RPRD1A: variants seen among roughly 807,000 people sequenced by gnomAD.
RPRD1A encodes the protein regulation of nuclear pre-mRNA domain-containing protein 1A.
In RPRD1A, 9 loss-of-function variants were observed where a neutral mutation model predicts 37.8. The ratio of observed to expected loss-of-function variants is 0.24; its 90% CI spans 0.14 to 0.42. The LOEUF (loss-of-function observed/expected upper bound fraction) is 0.42, where lower values mean the gene tolerates loss of function less well. Among genes scored for constraint, RPRD1A ranks in the 10% least tolerant of loss-of-function variants. The pLI is 1.00. For missense variants in RPRD1A, 255 were observed against 371.0 expected, an observed-to-expected ratio of 0.69 and a Z score of 2.57; for synonymous variants, 138 against 139.7, an observed-to-expected ratio of 0.99 and a Z score of 0.08.
At chr18:36,015,112 T>C (rs1358551981) in intron 6 of RPRD1A, among the ~76,000 whole-genome samples, 3 of 146,570 alleles carry the variant, frequency 2.0e-5, no homozygotes, top group South Asian at 2.1e-4. Flanking sequence ...CCCCAACAAG[T>C]TGAAAGTAGG....
intron 6 of RPRD1A, among the ~76,000 whole-genome samples, chr18:36,013,060 A>C (rs1910276690): frequency 6.6e-6 from 1 of 152,170 alleles, no homozygotes; most frequent in Non-Finnish European, 1.5e-5. Context: ...TGTGCTGGCA[A>C]AAATAGAGGC....
At chr18:36,001,725 A>AT (rs1487006961) in intron 6 of RPRD1A, among the ~76,000 whole-genome samples, 1 of 152,168 alleles carries the variant, frequency 6.6e-6, no homozygotes, top group Non-Finnish European at 1.5e-5. Flanking sequence ...ACTGAAATAC[A>AT]TTTTTGCTGA....
intron 4 of RPRD1A, chr18:36,028,236 T>C (rs1911517111): frequency 6.6e-6 from 1 of 152,014 alleles, no homozygotes; most frequent in Non-Finnish European, 1.5e-5. Flanking sequence ...ATTTTTAAAC[T>C]ATTCCCTTGA....
intron 6 of RPRD1A, among the ~76,000 whole-genome samples, chr18:36,020,632 A>G (rs868246531): frequency 2.5e-4 from 38 of 152,164 alleles, no homozygotes; most frequent in Non-Finnish European, 8.8e-5. Flanking sequence ...ATAAAAATAA[A>G]TAGTCTGAGC....
intron 6 of RPRD1A, among the ~76,000 whole-genome samples, chr18:36,004,873 A>ATTGAGTG (rs1423280658): frequency 2.0e-5 from 3 of 152,148 alleles, no homozygotes; most frequent in Non-Finnish European, 1.5e-5. Context: ...ACTGCACTTC[A>ATTGAGTG]GCCTGGGCAA....
At chr18:36,063,014 T>C (rs890574492) in intron 1 of RPRD1A, 5 of 152,164 alleles carry the variant, frequency 3.3e-5, no homozygotes, top group Non-Finnish European at 5.9e-5. Flanking sequence ...ATCAGGAAAA[T>C]TGTATGCCAT....
At chr18:36,004,209 T>C (rs1241571824) in intron 6 of RPRD1A, among the ~76,000 whole-genome samples, 1 of 152,038 alleles carries the variant, frequency 6.6e-6, no homozygotes, top group Non-Finnish European at 1.5e-5. Flanking sequence ...TTACCAATGA[T>C]AGCACTCCAC....
In RPRD1A at chr18:36,034,826, T is replaced by G. The variant is rs531589065; in HGVS notation, c.152-989A>C. Among the ~76,000 whole-genome samples, 14 of 152,300 alleles carry G rather than the reference T, an allele frequency of 9.2e-5. No homozygotes were observed. The East Asian group carries it at 2.7e-3, about 29-fold the overall frequency. On this transcript the variant is annotated intron_variant, in intron 1 of 6. Transcript: ENST00000399022. ...GATGTTAAGTATTCAATTTACAAAT[T>G]TAAGCATTTGACATATTAAAAAGTC...
chr18:36,019,478 T>C (rs977589656), intron 6 of RPRD1A, among the ~76,000 whole-genome samples: 1 of 152,116 alleles, frequency 6.6e-6, no homozygotes, highest in African/African-American at 2.4e-5. Flanking sequence ...TGCAATGATG[T>C]AGGGAGATAT....
At chr18:35,999,497 G>A (rs761504256) in intron 6 of RPRD1A, among the ~76,000 whole-genome samples, 1 of 152,128 alleles carries the variant, frequency 6.6e-6, no homozygotes, top group African/African-American at 2.4e-5. Flanking sequence ...TGGAATTCTT[G>A]TTCATTTTAG....
At chr18:36,032,057 T>C (rs1911830288) in intron 2 of RPRD1A, among the ~76,000 whole-genome samples, 1 of 152,234 alleles carries the variant, frequency 6.6e-6, no homozygotes, top group Non-Finnish European at 1.5e-5. Context: ...ATTTCACCCC[T>C]TCCTTTAGTC....
At chr18:36,023,910 C>T (rs1010201617) in intron 6 of RPRD1A, among the ~76,000 whole-genome samples, 6 of 152,164 alleles carry the variant, frequency 3.9e-5, no homozygotes, top group Admixed American at 2.0e-4. Flanking sequence ...AATACTTAGA[C>T]AACAGTAAAG....
intron 6 of RPRD1A, among the ~76,000 whole-genome samples, chr18:36,018,290 T>TAAA (rs35341331): frequency 1.3e-5 from 2 of 148,730 alleles, no homozygotes; most frequent in African/African-American, 5.0e-5. Context: ...TTTTTTTTTT[T>TAAA]AAAGAAGGAG....
chr18:36,009,708 A>G (rs1910052067), intron 6 of RPRD1A, among the ~76,000 whole-genome samples: 1 of 152,248 alleles, frequency 6.6e-6, no homozygotes, highest in Admixed American at 6.5e-5. Context: ...ACTTACTGTG[A>G]CAATGGAAAT....
intron 6 of RPRD1A, among the ~76,000 whole-genome samples, chr18:36,019,203 G>A (rs1006714910): frequency 2.0e-5 from 3 of 150,954 alleles, no homozygotes; most frequent in African/African-American, 7.4e-5. Context: ...CACCTCCCGG[G>A]TTCACGCCAT....
chr18:36,053,071 G>C (rs1194842703), intron 1 of RPRD1A, among the ~76,000 whole-genome samples: 1 of 152,174 alleles, frequency 6.6e-6, no homozygotes, highest in Non-Finnish European at 1.5e-5. Flanking sequence ...GAGTTGTCAT[G>C]AGAGTCTGGA....
chr18:36,029,493 T>C (rs2144284869), intron 4 of RPRD1A, among the ~76,000 whole-genome samples: 1 of 152,324 alleles, frequency 6.6e-6, no homozygotes, highest in East Asian at 1.9e-4. Flanking sequence ...GTACAATTTC[T>C]AACCCATGAA....
At chr18:36,023,195 A>G (rs1278652097) in intron 6 of RPRD1A, among the ~76,000 whole-genome samples, 1 of 152,278 alleles carries the variant, frequency 6.6e-6, no homozygotes, top group Non-Finnish European at 1.5e-5. Flanking sequence ...GAAAACTTTC[A>G]GAAAATGATT....
At position 36,009,937 on chromosome 18, in the gene RPRD1A, C is replaced by A. The variant is rs1910069256; in HGVS notation, c.790-16637G>T. 2.6e-5 allele frequency among the ~76,000 whole-genome samples: 4 copies of A among 152,218 alleles called. No individual in the cohort carries two copies. The South Asian group carries it at 8.3e-4, about 31-fold the overall frequency. On this transcript the variant is annotated intron_variant, in intron 6 of 6. Transcript: ENST00000399022. Reference sequence around the variant, plus strand: ...CCCTGCATTTCATCTGTCTCTCCCCCATTTCATTCCCGTCTCCATTTCATT... The same window carrying A: ...CCCTGCATTTCATCTGTCTCTCCCCAATTTCATTCCCGTCTCCATTTCATT...
Sources: allele counts gnomAD v4.1 joint callset (sites outside exome capture counted in the v4.1 genomes callset), GRCh38; gene constraint gnomAD v4.1.1; transcripts MANE v1.5; gene names NCBI Gene and HGNC (gene_info 2026-07-23, HGNC 2026-07-21).